Variants in MTUS2 observed in about 807,000 individuals in gnomAD.
MTUS2 encodes microtubule associated scaffold protein 2.
In MTUS2, 40 loss-of-function variants were observed where a neutral mutation model predicts 114.1. The ratio of observed to expected loss-of-function variants is 0.35; its 90% CI spans 0.27 to 0.46. The LOEUF (loss-of-function observed/expected upper bound fraction) is 0.46, where lower values mean the gene tolerates loss of function less well. MTUS2 is among the 20% of genes least tolerant of loss of function. The pLI is 1.00. For missense variants in MTUS2, 1,679 were observed against 1,705.4 expected (o/e 0.98, Z 0.27); for synonymous variants, 688 against 672.0 (o/e 1.02, Z -0.37).
chr13:28,945,619 G>A (rs1194820317), intron 2 of MTUS2, among the ~76,000 whole-genome samples: 3 of 152,104 alleles, frequency 2.0e-5, no homozygotes, highest in African/African-American at 7.2e-5. Flanking sequence ...CCATTTGTAT[G>A]TCTTCTTTTG....
At chr13:29,303,564 AAGAC>A (rs934712084) in intron 6 of MTUS2, among the ~76,000 whole-genome samples, 14 of 152,202 alleles carry the variant, frequency 9.2e-5, no homozygotes, top group African/African-American at 3.4e-4. Context: ...TTTCTGAAAT[AAGAC>A]AGGCAGACAA....
chr13:29,405,161 T>A (rs1020759488), intron 8 of MTUS2, among the ~76,000 whole-genome samples: 1 of 152,210 alleles, frequency 6.6e-6, no homozygotes, highest in Non-Finnish European at 1.5e-5. Context: ...TAGAATCACC[T>A]GTTCTTCTTG....
intron 6 of MTUS2, among the ~76,000 whole-genome samples, chr13:29,296,950 A>G (rs1898974257): frequency 6.6e-6 from 1 of 152,050 alleles, no homozygotes; most frequent in Non-Finnish European, 1.5e-5. Context: ...TTTTAGTTTT[A>G]CATAATTCTA....
chr13:29,264,493 A>T (rs928715228), intron 5 of MTUS2, among the ~76,000 whole-genome samples: 1 of 152,174 alleles, frequency 6.6e-6, no homozygotes, highest in Non-Finnish European at 1.5e-5. Context: ...CACATTTCCC[A>T]TTGGCTCTGC....
intron 2 of MTUS2, among the ~76,000 whole-genome samples, chr13:28,900,956 AG>A (rs1858424109): frequency 6.6e-6 from 1 of 152,244 alleles, no homozygotes; most frequent in Non-Finnish European, 1.5e-5. Flanking sequence ...CTTTTAAAAA[AG>A]TGCCAAGCTG....
At chr13:28,944,619 C>CAACA (rs1419543705) in intron 2 of MTUS2, among the ~76,000 whole-genome samples, 1 of 152,146 alleles carries the variant, frequency 6.6e-6, no homozygotes, top group African/African-American at 2.4e-5. Flanking sequence ...ATTTATGCCA[C>CAACA]AACATTTATT....
intron 8 of MTUS2, among the ~76,000 whole-genome samples, chr13:29,417,992 A>G (rs979080275): frequency 6.6e-6 from 1 of 152,146 alleles, no homozygotes; most frequent in Admixed American, 6.6e-5. Context: ...AACTGGAACA[A>G]GGGATTTGTA....
chr13:29,034,104 C>T lies in MTUS2; in HGVS notation c.2425C>T (p.Leu809Phe), dbSNP rs1276340001. 3 of 1,614,040 alleles carry T rather than the reference C, an allele frequency of 1.9e-6. No homozygotes were observed. Among genetic ancestry groups the T allele is most frequent in the South Asian group, 2.2e-5 (2 of 91,068 alleles). ...PPGPITTATS[L>F]YSSDPSADLK... is the part of the protein sequence containing the mutation. ...AGGACCCATAACAACAGCCACCAGTCTCTACAGTTCCGATCCTTCAGGTAA... is the reference window on the plus strand; with the variant it reads ...AGGACCCATAACAACAGCCACCAGTTTCTACAGTTCCGATCCTTCAGGTAA... Residue 809 changes from leucine (L) to phenylalanine (F), a missense_variant, in exon 4 of 16, where the codon CTC becomes TTC. By Grantham distance (22) the Leu-to-Phe change is conservative. This residue lies in a region of MTUS2 where 822 missense variants were observed against 899.7 expected (regional missense o/e 0.91). Coordinates refer to ENST00000612955, the MANE Select transcript of MTUS2 (RefSeq NM_001033602.4).
chr13:29,252,972 A>G (rs1048827665), intron 5 of MTUS2, among the ~76,000 whole-genome samples: 6 of 152,128 alleles, frequency 3.9e-5, no homozygotes, highest in African/African-American at 1.2e-4. Flanking sequence ...AAAATGGACT[A>G]ATAGAAGTAG....
At chr13:29,205,510 C>G (rs1284230580) in intron 5 of MTUS2, among the ~76,000 whole-genome samples, 1 of 151,994 alleles carries the variant, frequency 6.6e-6, no homozygotes, top group East Asian at 1.9e-4. Context: ...CACCCTTTAC[C>G]CAAGCAGTGT....
At chr13:28,860,666 C>G (rs1876918664) in intron 2 of MTUS2, among the ~76,000 whole-genome samples, 1 of 152,186 alleles carries the variant, frequency 6.6e-6, no homozygotes, top group Non-Finnish European at 1.5e-5. Flanking sequence ...CTCCTTGCTC[C>G]CATCCACCTC....
intron 2 of MTUS2, among the ~76,000 whole-genome samples, chr13:29,008,345 A>G (rs1024321182): frequency 6.6e-6 from 1 of 152,166 alleles, no homozygotes; most frequent in Non-Finnish European, 1.5e-5. Context: ...AATAAATGCA[A>G]TCAACCAAGC....
intron 4 of MTUS2, among the ~76,000 whole-genome samples, chr13:29,092,319 C>G (rs949119956): frequency 6.6e-6 from 1 of 152,128 alleles, no homozygotes; most frequent in African/African-American, 2.4e-5. Context: ...TTACATGGTG[C>G]CTTTGTTTTA....
intron 5 of MTUS2, among the ~76,000 whole-genome samples, chr13:29,281,419 C>CTGTGTGTGTGTG (rs10682778): frequency 1.4e-5 from 2 of 146,548 alleles, no homozygotes; most frequent in African/African-American, 5.0e-5. Flanking sequence ...GTATGTATGT[C>CTGTGTGTGTGTG]TGTGTGTGTG....
intron 5 of MTUS2, among the ~76,000 whole-genome samples, chr13:29,266,334 G>C (rs1438006832): frequency 6.6e-6 from 1 of 152,180 alleles, no homozygotes; most frequent in African/African-American, 2.4e-5. Flanking sequence ...AAGAGACAGA[G>C]CCAAGATCTG....
At chr13:29,409,089 G>A (rs1037883954) in intron 8 of MTUS2, among the ~76,000 whole-genome samples, 1 of 152,208 alleles carries the variant, frequency 6.6e-6, no homozygotes. Flanking sequence ...AGAGGCCGAG[G>A]CGGGTGGATC....
intron 2 of MTUS2, among the ~76,000 whole-genome samples, chr13:28,956,954 A>G (rs914701787): frequency 6.6e-6 from 1 of 151,728 alleles, no homozygotes; most frequent in Non-Finnish European, 1.5e-5. Context: ...GTTGGGGGAC[A>G]GAGGGAAGAA....
intron 3 of MTUS2, among the ~76,000 whole-genome samples, chr13:29,029,317 C>T (rs916100017): frequency 6.6e-6 from 1 of 152,184 alleles, no homozygotes; most frequent in African/African-American, 2.4e-5. Context: ...TTACTCTGTG[C>T]CCTGCAATGA....
chr13:28,852,971 ACATT>A lies in MTUS2; in HGVS notation c.-243+13139_-243+13142del, dbSNP rs1322615195. Among the ~76,000 whole-genome samples the A allele has an allele frequency of 3.1e-3, 466 of 151,766 alleles. 2 individuals carry two copies. Among genetic ancestry groups the A allele is most frequent in the African/African-American group, 0.011 (438 of 41,308 alleles). ...TAAATACATACATACATACATACAT[ACATT>A]CATTCATTCATTCATTCCTTGGAAA... On this transcript the variant is annotated intron_variant, in intron 2 of 15. Transcript: ENST00000612955.
Sources: gnomAD v4.1 joint callset for allele counts (sites outside exome capture counted in the v4.1 genomes callset) on GRCh38, gnomAD v4.1.1 for gene constraint, gnomAD v4.1.1 regional missense constraint, MANE v1.5 for transcripts, NCBI Gene and HGNC (gene_info 2026-07-23, HGNC 2026-07-21) for gene names.